PCDHGA3: variants seen among roughly 807,000 people sequenced by gnomAD.
The protein encoded by PCDHGA3 is protocadherin gamma-A3.
In PCDHGA3, 40 loss-of-function variants were observed where a neutral mutation model predicts 58.5. That is an observed-to-expected ratio of 0.68 (90% CI 0.53 to 0.89). PCDHGA3 has a LOEUF of 0.89. PCDHGA3 is among the 40% of genes least tolerant of loss of function. The probability of loss-of-function intolerance (pLI) is 0.00; values close to 1 mark genes in which losing one functional copy is unlikely to be tolerated. For synonymous variants in PCDHGA3, 530 were observed against 525.7 expected, an observed-to-expected ratio of 1.01 and a Z score of -0.11; for missense variants, 1,223 against 1,195.9, an observed-to-expected ratio of 1.02 and a Z score of -0.33.
rs2097424370 is a variant in PCDHGA3, at chr5:141,431,859, C to G, written c.2425-62948C>G. On this transcript the variant is annotated intron_variant, in intron 1 of 3. Coordinates refer to ENST00000253812, the MANE Select transcript of PCDHGA3 (RefSeq NM_018916.4). The surrounding 1 kb of genome is among the most constrained non-coding windows in gnomAD (Gnocchi z 4.8). ...AACTCTCCCAGAGGGACATTAATTG[C>G]CCTTTTAAATGTAAATGACCAAGAT... is the stretch of plus-strand genomic sequence containing the variant. The G allele has an allele frequency of 1.2e-6, 2 of 1,614,060 alleles. No individual in the cohort carries two copies. Among genetic ancestry groups the G allele is most frequent in the Middle Eastern group, 3.3e-4 (2 of 6,084 alleles).
intron 1 of PCDHGA3, among the ~76,000 whole-genome samples, chr5:141,474,669 C>T (rs983136753): frequency 6.6e-6 from 1 of 152,198 alleles, no homozygotes; most frequent in Non-Finnish European, 1.5e-5. Flanking sequence ...CCTACCTAAC[C>T]TATGTGCCTA....
rs776189143 is a variant in PCDHGA3, at chr5:141,422,957, A to G, written c.2425-71850A>G. 11 of 1,614,190 alleles carry G rather than the reference A, an allele frequency of 6.8e-6. 1 individual carries two copies. The South Asian group carries it at 7.7e-5, about 11-fold the overall frequency. Reference sequence around the variant, plus strand: ...CCCACAGACGGCTCCACTGGCGTGGAGCTGGCGCCCCGCTCTGCGGAACCT... The same window carrying G: ...CCCACAGACGGCTCCACTGGCGTGGGGCTGGCGCCCCGCTCTGCGGAACCT... On this transcript the variant is annotated intron_variant, in intron 1 of 3. Coordinates refer to ENST00000253812, the MANE Select transcript of PCDHGA3 (RefSeq NM_018916.4).
chr5:141,429,488 T>TA (rs748742046), intron 1 of PCDHGA3, among the ~76,000 whole-genome samples: 13 of 152,096 alleles, frequency 8.5e-5, no homozygotes, highest in Non-Finnish European at 1.6e-4. Flanking sequence ...TAGCTGAGAC[T>TA]ACAGTTGCCT....
chr5:141,376,772 C>T lies in PCDHGA3; in HGVS notation c.2424+30315C>T, dbSNP rs911404342. ...CGCAATCTCGGCTCACTGCAAGCTC[C>T]GCTTCCCGGGTTCACGCCATTCTCC... On this transcript the variant is annotated intron_variant, in intron 1 of 3. Transcript: ENST00000253812. The T allele has an allele frequency of 8.2e-5, 34 of 412,628 alleles. 1 individual carries two copies. The highest frequency in any genetic ancestry group is 3.9e-4 in the Admixed American group (9 of 23,202). 25.6% of individuals were successfully genotyped at this position (412,628 alleles called of 1,614,324 possible).
rs1332743231 is a variant in PCDHGA3 at position 141,432,967 on chromosome 5, G to A, written c.2425-61840G>A. 4 of 1,614,192 alleles carry A rather than the reference G, an allele frequency of 2.5e-6. No homozygotes were observed. In the East Asian group the frequency reaches 6.7e-5, roughly 27 times the overall value. On this transcript the variant is annotated intron_variant, in intron 1 of 3. Coordinates refer to ENST00000253812, the MANE Select transcript of PCDHGA3 (RefSeq NM_018916.4). The surrounding 1 kb of genome is among the most constrained non-coding windows in gnomAD (Gnocchi z 6.0). The stretch of plus-strand genomic sequence containing the variant: ...CAGGAGGCGGCTTGACAGGAGCGCC[G>A]GCGTCGCACTTTGTGGGCGTGGACG...
intron 1 of PCDHGA3, chr5:141,361,161 T>C (rs1761911989): frequency 1.2e-6 from 2 of 1,613,838 alleles, no homozygotes; most frequent in African/African-American, 1.3e-5. Flanking sequence ...ATGACAACGA[T>C]TGTGCACCTG....
At chr5:141,488,134 A>G (rs546928916) in intron 1 of PCDHGA3, among the ~76,000 whole-genome samples, 1 of 152,332 alleles carries the variant, frequency 6.6e-6, no homozygotes, top group African/African-American at 2.4e-5. Flanking sequence ...GAAAGAGGAG[A>G]GAACTAAAGG....
rs756604175 is a variant in PCDHGA3 at position 141,375,747 on chromosome 5, A to C, written c.2424+29290A>C. 30 of 1,614,128 alleles carry C rather than the reference A, an allele frequency of 1.9e-5. No homozygotes were observed. The Admixed American group carries it at 5.0e-4, about 27-fold the overall frequency. ...TCACTGAGCCTGTTTGTGCTGGACC[A>C]GAATGACAATGCGCCCGAGATCCTG... is the stretch of plus-strand genomic sequence containing the variant. On this transcript the variant is annotated intron_variant, in intron 1 of 3. Transcript: ENST00000253812.
intron 1 of PCDHGA3, chr5:141,419,497 G>A (rs1357823931): frequency 6.2e-7 from 1 of 1,612,390 alleles, no homozygotes; most frequent in South Asian, 1.1e-5. Context: ...GCGCCAATGT[G>A]AGCCTGCGCG....
At chr5:141,371,815 T>A (rs966835739) in intron 1 of PCDHGA3, 1 of 1,613,856 alleles carries the variant, frequency 6.2e-7, no homozygotes, top group Non-Finnish European at 8.5e-7. Flanking sequence ...ATTGCGCATG[T>A]CAGAGCCTCG....
rs760714983 is a variant in PCDHGA3 at position 141,389,956 on chromosome 5, T to C, written c.2424+43499T>C. 12 of 1,614,040 alleles carry C rather than the reference T, an allele frequency of 7.4e-6. No homozygotes were observed. In the South Asian group the frequency reaches 7.7e-5, roughly 10 times the overall value. ...CAGGCTGAGCTGCAGTTTTACCTAG[T>C]GGTGGCCTTGGCCTTGATCTCAGTG... is the stretch of plus-strand genomic sequence containing the variant. On this transcript the variant is annotated intron_variant, in intron 1 of 3. Coordinates refer to ENST00000253812, the MANE Select transcript of PCDHGA3 (RefSeq NM_018916.4).
At chr5:141,403,895 T>G in intron 1 of PCDHGA3, 1 of 1,613,884 alleles carries the variant, frequency 6.2e-7, no homozygotes, top group Non-Finnish European at 8.5e-7. Context: ...ATGTTCATTT[T>G]ATGAAATGGA....
chr5:141,435,542 A>C (rs1402711516), intron 1 of PCDHGA3, among the ~76,000 whole-genome samples: 1 of 152,146 alleles, frequency 6.6e-6, no homozygotes, highest in Non-Finnish European at 1.5e-5. Flanking sequence ...GAATTAACAA[A>C]ATGTGTTTTG....
chr5:141,389,230 T>G, intron 1 of PCDHGA3: 1 of 1,613,936 alleles, frequency 6.2e-7, no homozygotes, highest in Non-Finnish European at 8.5e-7. Flanking sequence ...AACGCTCCGG[T>G]TTTCTCACAG....
At chr5:141,366,079 A>G (rs368547508) in intron 1 of PCDHGA3, 2 of 1,614,220 alleles carry the variant, frequency 1.2e-6, no homozygotes, top group East Asian at 2.2e-5. Context: ...GCTCCGCAGA[A>G]CCTGGCTACC....
In PCDHGA3 at chr5:141,511,460, A is replaced by ACCC. The variant is rs1367357803; in HGVS notation, c.*289_*291dup. The ACCC allele has an allele frequency of 2.4e-4, 137 of 564,806 alleles. 1 individual carries two copies. In the Middle Eastern group the frequency reaches 2.7e-3, roughly 11 times the overall value. The allele number at this position is 564,806 out of a possible 1,614,324, so 35.0% of individuals were successfully genotyped here. A position where few individuals can be genotyped will look rare whatever the true frequency, so the allele number is the denominator to read the frequency against. ...GTAGACACCAAGAACCATTTGCCAC[A>ACCC]CCCCGTTTAGTTACAGCTGAACTCC... On this transcript the variant is annotated 3_prime_UTR_variant, in exon 4 of 4. Transcript: ENST00000253812.
chr5:141,348,093 TG>T (rs1461141489), intron 1 of PCDHGA3, among the ~76,000 whole-genome samples: 1 of 152,260 alleles, frequency 6.6e-6, no homozygotes, highest in African/African-American at 2.4e-5. Context: ...CAGAAATTGT[TG>T]GCTTATTCTG....
intron 1 of PCDHGA3, chr5:141,426,692 C>T: frequency 2.3e-6 from 1 of 435,472 alleles, no homozygotes; most frequent in Non-Finnish European, 4.7e-6. Flanking sequence ...CCCAAAATAG[C>T]ATTGTTTTAC....
rs2096663485 is a variant in PCDHGA3, at chr5:141,422,674, A to G, written c.2425-72133A>G. 3 of 1,606,698 alleles carry G rather than the reference A, an allele frequency of 1.9e-6. No individual in the cohort carries two copies. The East Asian group carries it at 6.7e-5, about 36-fold the overall frequency. On this transcript the variant is annotated intron_variant, in intron 1 of 3. Transcript: ENST00000253812. ...AGTGACCGCCCTCGACCCGGACAGC[A>G]AACAGAATGCCCTGGTCACTTACTC...
Sources: gnomAD v4.1 joint callset for allele counts (sites outside exome capture counted in the v4.1 genomes callset) on GRCh38, gnomAD v4.1.1 for gene constraint, Gnocchi (gnomAD v3.1) non-coding constraint, MANE v1.5 for transcripts, NCBI Gene and HGNC (gene_info 2026-07-23, HGNC 2026-07-21) for gene names.